Variants in MPHOSPH10 observed in about 807,000 individuals in gnomAD.
MPHOSPH10 encodes the protein M-phase phosphoprotein 10.
In MPHOSPH10, 33 loss-of-function variants were observed where a neutral mutation model predicts 77.3. The ratio of observed to expected loss-of-function variants is 0.43; its 90% CI spans 0.32 to 0.57. The LOEUF (loss-of-function observed/expected upper bound fraction) is 0.57. Ranked by LOEUF, MPHOSPH10 falls within the 20% of genes least tolerant of loss-of-function variation. The pLI is 0.07. For missense variants in MPHOSPH10, 708 were observed against 780.1 expected (o/e 0.91, Z 1.10); for synonymous variants, 245 against 268.0 (o/e 0.91, Z 0.84).
At position 71,149,174 on chromosome 2, in the gene MPHOSPH10, A is replaced by C. The variant is rs116404681; in HGVS notation, c.1666-49A>C. The C allele has an allele frequency of 1.0e-3, 1,480 of 1,482,934 alleles. 10 individuals are homozygous for C. In the African/African-American group the frequency reaches 0.019, roughly 19 times the overall value. 91.9% of individuals were successfully genotyped at this position (1,482,934 alleles called of 1,614,324 possible). On this transcript the variant is annotated intron_variant, in intron 9 of 10. Transcript: ENST00000244230. ...GCAGTTTCTTCCATTCCAGTTTCCT[A>C]GTTGTTAAACTTGATGAATGAATAT... is the stretch of plus-strand genomic sequence containing the variant.
At chr2:71,132,111 A>G (rs1013885671) in intron 1 of MPHOSPH10, among the ~76,000 whole-genome samples, 2 of 152,056 alleles carry the variant, frequency 1.3e-5, no homozygotes, top group Non-Finnish European at 2.9e-5. Context: ...TGTCAGTTCT[A>G]CCTCCAAACT....
chr2:71,144,843 T>A (rs1673677682), intron 8 of MPHOSPH10, among the ~76,000 whole-genome samples: 1 of 152,002 alleles, frequency 6.6e-6, no homozygotes, highest in African/African-American at 2.4e-5. Flanking sequence ...CAGGGACTCC[T>A]CCTTTCCCTA....
intron 9 of MPHOSPH10, 174 bp from the exon 10 acceptor site, chr2:71,149,049 A>T: frequency 3.2e-6 from 2 of 632,426 alleles, no homozygotes; most frequent in African/African-American, 1.8e-5. Flanking sequence ...TTCAGGTTTT[A>T]AAGAGCTGAG....
intron 7 of MPHOSPH10, 112 bp downstream of exon 7, chr2:71,141,481 C>A: frequency 2.3e-6 from 2 of 870,972 alleles, no homozygotes; most frequent in Non-Finnish European, 3.2e-6. Flanking sequence ...CTTTGGCTAC[C>A]TCATGTAAGT....
chr2:71,139,516 G>C (rs1332302360), intron 5 of MPHOSPH10: 7 of 226,466 alleles, frequency 3.1e-5, no homozygotes, highest in Admixed American at 5.7e-5. Flanking sequence ...GGAAAAGAGG[G>C]GAAGAGTCCC....
chr2:71,132,027 C>G (rs184332215), intron 1 of MPHOSPH10, among the ~76,000 whole-genome samples: 139 of 152,264 alleles, frequency 9.1e-4, no homozygotes, highest in African/African-American at 3.2e-3. Context: ...TTTTCAGGTA[C>G]TCAAACATAA....
intron 1 of MPHOSPH10, chr2:71,130,973 C>G (rs924137619): frequency 3.7e-6 from 2 of 543,688 alleles, no homozygotes; most frequent in South Asian, 4.7e-5. Flanking sequence ...TGAAATCACT[C>G]TAACCTCAAT....
At chr2:71,139,565 T>G (rs959560833) in intron 5 of MPHOSPH10, 2 of 386,424 alleles carry the variant, frequency 5.2e-6, no homozygotes, top group Non-Finnish European at 9.2e-6. Context: ...TACTACCATA[T>G]GTATCCTAGT....
intron 4 of MPHOSPH10, among the ~76,000 whole-genome samples, chr2:71,135,028 A>G (rs1673458304): frequency 2.0e-5 from 3 of 152,206 alleles, no homozygotes; most frequent in Admixed American, 2.0e-4. Context: ...TTAGCTGGGC[A>G]TGGTGATGTG....
intron 5 of MPHOSPH10, 192 bp downstream of exon 5, chr2:71,138,823 T>TC: frequency 1.3e-6 from 1 of 766,566 alleles, no homozygotes; most frequent in South Asian, 1.5e-5. Flanking sequence ...TCACCTGAGG[T>TC]CAGGAGTTTG....
At chr2:71,131,464 C>G (rs1465911622) in intron 1 of MPHOSPH10, among the ~76,000 whole-genome samples, 4 of 152,180 alleles carry the variant, frequency 2.6e-5, no homozygotes, top group Non-Finnish European at 5.9e-5. Context: ...CCCACCTATA[C>G]TCTGCCATCC....
intron 6 of MPHOSPH10, among the ~76,000 whole-genome samples, chr2:71,140,683 T>G (rs922990702): frequency 6.6e-6 from 1 of 152,228 alleles, no homozygotes; most frequent in Non-Finnish European, 1.5e-5. Context: ...AGAATTGATC[T>G]GATTTTGTAA....
rs539414312 is a variant in MPHOSPH10 at position 71,147,788 on chromosome 2, G to A, written c.1558-211G>A. Among the ~76,000 whole-genome samples, 15 of 152,198 alleles carry A rather than the reference G, an allele frequency of 9.9e-5. No individual in the cohort carries two copies. In the East Asian group the frequency reaches 1.3e-3, roughly 14 times the overall value. On this transcript the variant is annotated intron_variant, in intron 8 of 10. Coordinates refer to ENST00000244230, the MANE Select transcript of MPHOSPH10 (RefSeq NM_005791.3). ...AGCAGTGCTGCCCCTCAGCACTGCC[G>A]TCATGCCAGTCCACTTAGGACTTTG...
At chr2:71,147,517 C>CAA (rs1419768469) in intron 8 of MPHOSPH10, among the ~76,000 whole-genome samples, 1 of 151,824 alleles carries the variant, frequency 6.6e-6, no homozygotes, top group Admixed American at 6.6e-5. Context: ...ACTAAAAATA[C>CAA]AAAAAATTAG....
intron 4 of MPHOSPH10, among the ~76,000 whole-genome samples, 171 bp downstream of exon 4, chr2:71,134,968 A>G (rs569626572): frequency 8.3e-4 from 127 of 152,302 alleles, no homozygotes; most frequent in African/African-American, 3.0e-3. Context: ...GGAGTTCAGA[A>G]CCAGCCTAGG....
At chr2:71,142,238 C>G (rs1287687968) in intron 7 of MPHOSPH10, among the ~76,000 whole-genome samples, 1 of 152,164 alleles carries the variant, frequency 6.6e-6, no homozygotes, top group Non-Finnish European at 1.5e-5. Context: ...GAATGCCCCT[C>G]AGTTAGCAAC....
Position 71,147,907 on chromosome 2 carries a change from A to G in MPHOSPH10, c.1558-92A>G, listed in dbSNP as rs80193384. ...AGATAATCTCCATAAAGTATTTTAT[A>G]TATTATACTTTAAGTTAATAGGTTC... is the stretch of plus-strand genomic sequence containing the variant. On this transcript the variant is annotated intron_variant, in intron 8 of 10. Coordinates refer to ENST00000244230, the MANE Select transcript of MPHOSPH10 (RefSeq NM_005791.3). 0.013 allele frequency: 12,255 copies of G among 931,110 alleles called. 619 individuals are homozygous for G. In the African/African-American group the frequency reaches 0.14, roughly 10 times the overall value. The allele number at this position is 931,110 out of a possible 1,614,324, so 57.7% of individuals were successfully genotyped here.
rs562292646 is a variant in MPHOSPH10, at chr2:71,147,070, T to C, written c.1558-929T>C. 2.0e-5 allele frequency among the ~76,000 whole-genome samples: 3 copies of C among 152,290 alleles called. No individual in the cohort carries two copies. In the South Asian group the frequency reaches 6.2e-4, roughly 32 times the overall value. On this transcript the variant is annotated intron_variant, in intron 8 of 10. Transcript: ENST00000244230. ...AGCTTTGATTTATTTTGATACTGTT[T>C]GAGTTTTTCAGTATTATTTCATATT... is the stretch of plus-strand genomic sequence containing the variant.
chr2:71,145,709 G>T (rs61228076), intron 8 of MPHOSPH10, among the ~76,000 whole-genome samples: 6,160 of 152,076 alleles, frequency 0.041, 372 homozygotes, highest in African/African-American at 0.13. Flanking sequence ...GGCCTTTCTG[G>T]GCCTTACCTG....
Sources: gnomAD v4.1 joint callset for allele counts (sites outside exome capture counted in the v4.1 genomes callset) on GRCh38, gnomAD v4.1.1 for gene constraint, MANE v1.5 for transcripts, NCBI Gene and HGNC (gene_info 2026-07-23, HGNC 2026-07-21) for gene names.